The following BICC1 variants were observed in gnomAD, a reference collection of about 807,000 sequenced individuals.
The protein encoded by BICC1 is BicC family RNA binding protein 1.
A neutral mutation model predicts 111.0 loss-of-function variants in BICC1; 43 were observed. The ratio of observed to expected loss-of-function variants is 0.39; its 90% CI spans 0.30 to 0.50. The LOEUF is 0.50. Ranked by LOEUF, BICC1 falls within the 20% of genes least tolerant of loss-of-function variation. The pLI is 0.88. For synonymous variants in BICC1, 467 were observed against 434.4 expected, an observed-to-expected ratio of 1.07 and a Z score of -0.93; for missense variants, 1,091 against 1,203.2, an observed-to-expected ratio of 0.91 and a Z score of 1.38.
intron 1 of BICC1, among the ~76,000 whole-genome samples, chr10:58,601,929 A>G (rs1467262361): frequency 6.6e-6 from 1 of 152,138 alleles, no homozygotes; most frequent in Non-Finnish European, 1.5e-5. Flanking sequence ...AAGATATTCT[A>G]GAGAATGTTT....
At chr10:58,739,768 T>G (rs1379555059) in intron 3 of BICC1, among the ~76,000 whole-genome samples, 1 of 152,188 alleles carries the variant, frequency 6.6e-6, no homozygotes, top group African/African-American at 2.4e-5. Context: ...AAATTGGTAG[T>G]TTTTCCCTCT....
chr10:58,719,713 C>T (rs112979873), intron 3 of BICC1, among the ~76,000 whole-genome samples: 1 of 152,200 alleles, frequency 6.6e-6, no homozygotes, highest in Non-Finnish European at 1.5e-5. Flanking sequence ...TCCATGTGCG[C>T]AGTGCCTGCC....
chr10:58,527,562 C>T (rs1011434892), intron 1 of BICC1, among the ~76,000 whole-genome samples: 3 of 152,070 alleles, frequency 2.0e-5, no homozygotes, highest in African/African-American at 7.2e-5. Context: ...TTAGGTCTAA[C>T]ATTTAAGTCT....
intron 2 of BICC1, among the ~76,000 whole-genome samples, chr10:58,640,131 G>A (rs1588960513): frequency 1.3e-5 from 2 of 152,002 alleles, no homozygotes; most frequent in African/African-American, 2.4e-5. Flanking sequence ...TGGGAGTACT[G>A]ATCAGTAAAT....
chr10:58,688,471 TC>T (rs567745700), intron 2 of BICC1, among the ~76,000 whole-genome samples: 2 of 151,194 alleles, frequency 1.3e-5, no homozygotes, highest in East Asian at 2.0e-4. Flanking sequence ...TTTCTCCAAG[TC>T]CCCCCCTGAC....
intron 20 of BICC1, among the ~76,000 whole-genome samples, chr10:58,822,067 G>A (rs1227382481): frequency 6.6e-6 from 1 of 152,078 alleles, no homozygotes; most frequent in Non-Finnish European, 1.5e-5. Flanking sequence ...CTAGACTCAA[G>A]CTAACTTTAA....
rs1019281470 is a variant in BICC1, at chr10:58,748,909, A to G, written c.308-36092A>G. Among the ~76,000 whole-genome samples the G allele has an allele frequency of 6.4e-4, 97 of 152,118 alleles. 1 individual carries two copies. Among genetic ancestry groups the G allele is most frequent in the African/African-American group, 2.3e-3 (95 of 41,450 alleles). ...ACTCCATCATTGTGGAGGTCCTTCC[A>G]GTTTCTCCATTATTTTTAAACTCCC... On this transcript the variant is annotated intron_variant, in intron 3 of 20. Transcript: ENST00000373886.
At chr10:58,523,941 C>G (rs1842461217) in intron 1 of BICC1, among the ~76,000 whole-genome samples, 1 of 152,068 alleles carries the variant, frequency 6.6e-6, no homozygotes, top group Non-Finnish European at 1.5e-5. Context: ...GAGTGAACTC[C>G]CATTCACAAT....
At chr10:58,719,615 G>C (rs1033630549) in intron 3 of BICC1, among the ~76,000 whole-genome samples, 13 of 152,022 alleles carry the variant, frequency 8.6e-5, no homozygotes, top group African/African-American at 3.1e-4. Context: ...CACTTTTCAT[G>C]CTTGTATTGC....
chr10:58,789,873 A>G lies in BICC1; in HGVS notation c.987A>G (p.Lys329=). 1.2e-6 allele frequency: 2 copies of G among 1,614,144 alleles called. No homozygotes were observed. Among genetic ancestry groups the G allele is most frequent in the Non-Finnish European group, 1.7e-6 (2 of 1,180,004 alleles). Residue 329 remains lysine, a synonymous_variant, in exon 8 of 21, where the codon AAA becomes AAG. Coordinates refer to ENST00000373886, the MANE Select transcript of BICC1 (RefSeq NM_001080512.3). The part of the protein sequence containing the change: ...HFPDPSNPQK[K]STVYLQGTIE... ...CTGATCCCAGTAATCCACAAAAGAA[A>G]TCTACCGTCTACCTCCAGGGCACCA...
chr10:58,634,555 T>G (rs1391012649), intron 2 of BICC1, among the ~76,000 whole-genome samples: 1 of 152,140 alleles, frequency 6.6e-6, no homozygotes, highest in Non-Finnish European at 1.5e-5. Flanking sequence ...GTAGCTAAGG[T>G]TGGGAACTAC....
At chr10:58,549,496 G>C (rs1480995996) in intron 1 of BICC1, among the ~76,000 whole-genome samples, 1 of 152,112 alleles carries the variant, frequency 6.6e-6, no homozygotes, top group Admixed American at 6.6e-5. Flanking sequence ...CATTTTAATA[G>C]ATGTCTAGTA....
intron 3 of BICC1, among the ~76,000 whole-genome samples, chr10:58,767,444 A>G (rs1053321544): frequency 2.0e-5 from 3 of 152,120 alleles, no homozygotes; most frequent in African/African-American, 4.8e-5. Context: ...CCTCTCCCCA[A>G]AGCTAGTCAG....
chr10:58,782,479 G>A (rs1347938085), intron 3 of BICC1, among the ~76,000 whole-genome samples: 2 of 152,212 alleles, frequency 1.3e-5, no homozygotes, highest in Non-Finnish European at 2.9e-5. Context: ...GAAAGCCAGT[G>A]AAATGCCAGT....
intron 2 of BICC1, chr10:58,650,342 G>A (rs541182608): frequency 1.4e-4 from 21 of 152,216 alleles, no homozygotes; most frequent in African/African-American, 4.6e-4. Flanking sequence ...CATTTCACTG[G>A]ACTGAGTTTC....
At chr10:58,650,332 C>T (rs1340010292) in intron 2 of BICC1, 1 of 152,150 alleles carries the variant, frequency 6.6e-6, no homozygotes, top group Non-Finnish European at 1.5e-5. Flanking sequence ...TGGAGTGTTA[C>T]ATTTCACTGG....
At chr10:58,593,519 C>T (rs543176578) in intron 1 of BICC1, among the ~76,000 whole-genome samples, 19 of 152,244 alleles carry the variant, frequency 1.2e-4, no homozygotes, top group African/African-American at 4.3e-4. Flanking sequence ...AGGTGCCCCT[C>T]TGGGACGAAG....
At chr10:58,793,342 G>A in intron 8 of BICC1, 142 bp from the exon 9 acceptor site, 1 of 818,740 alleles carries the variant, frequency 1.2e-6, no homozygotes, top group Non-Finnish European at 1.9e-6. Flanking sequence ...TAAGCTATGT[G>A]AACTTATATA....
intron 1 of BICC1, among the ~76,000 whole-genome samples, chr10:58,603,254 G>A (rs1845100822): frequency 6.6e-6 from 1 of 152,180 alleles, no homozygotes; most frequent in Admixed American, 6.5e-5. Context: ...TTAAATATGG[G>A]ATAGATGGTA....
Sources: gnomAD v4.1 joint callset for allele counts (sites outside exome capture counted in the v4.1 genomes callset) on GRCh38, gnomAD v4.1.1 for gene constraint, MANE v1.5 for transcripts, NCBI Gene and HGNC (gene_info 2026-07-23, HGNC 2026-07-21) for gene names.